The following SYCE1L variants were observed in gnomAD, a reference collection of about 807,000 sequenced individuals.
SYCE1L encodes synaptonemal complex central element protein 1 like.
SYCE1L carries 51 observed loss-of-function variants against 39.6 expected under a neutral mutation model. The ratio of observed to expected loss-of-function variants is 1.29; its 90% confidence interval spans 1.03 to 1.63. The LOEUF is 1.63. Ranked by LOEUF, SYCE1L falls within the 40% of genes most tolerant of loss-of-function variation. The pLI, the probability that SYCE1L is intolerant of heterozygous loss-of-function variation, is 0.00. For synonymous variants in SYCE1L, 147 were observed against 122.4 expected (o/e 1.20, Z -1.33); for missense variants, 426 against 304.9 (o/e 1.40, Z -2.96).
intron 8 of SYCE1L, 38 bp downstream of exon 8, chr16:77,212,237 T>C: frequency 3.2e-6 from 5 of 1,541,222 alleles, no homozygotes; most frequent in Non-Finnish European, 4.4e-6. Context: ...GGGAGGGGGA[T>C]GTGCCCGGGC....
rs564397913 is a variant in SYCE1L at position 77,212,945 on chromosome 16, G to T, written c.*14G>T. 1 of 1,491,584 alleles carries T rather than the reference G, an allele frequency of 6.7e-7. No individual in the cohort carries two copies. Among genetic ancestry groups the T allele is most frequent in the Non-Finnish European group, 8.9e-7 (1 of 1,122,520 alleles). 92.4% of individuals were successfully genotyped at this position (1,491,584 alleles called of 1,614,324 possible). The stretch of plus-strand genomic sequence containing the variant: ...GACGCCCTCTAGGCCAGCAGGACCC[G>T]CCCGTTCCCGACCTTCCCTCGAGAC... On this transcript the variant is annotated 3_prime_UTR_variant, in exon 11 of 11. Transcript: ENST00000378644.
chr16:77,212,713 C>T, intron 10 of SYCE1L, 67 bp downstream of exon 10: 3 of 1,452,282 alleles, frequency 2.1e-6, no homozygotes, highest in Non-Finnish European at 2.7e-6. Context: ...GGCGGGGGTC[C>T]TGGGAGCGGC....
intron 6 of SYCE1L, among the ~76,000 whole-genome samples, chr16:77,210,835 G>A (rs551009176): frequency 3.3e-5 from 5 of 152,268 alleles, no homozygotes; most frequent in African/African-American, 1.2e-4. Context: ...TCCCACTCCT[G>A]CTGGAGTGAA....
At chr16:77,202,018 G>T (rs566873126) in intron 1 of SYCE1L, 1 of 152,246 alleles carries the variant, frequency 6.6e-6, no homozygotes, top group South Asian at 2.1e-4. Flanking sequence ...TTTGGGAGTA[G>T]TGCAGAGGTA....
At position 77,212,305 on chromosome 16, in the gene SYCE1L, C is replaced by T. The variant is rs1470927539; in HGVS notation, c.517C>T (p.Arg173Trp). The T allele has an allele frequency of 3.9e-6, 6 of 1,524,530 alleles. No individual in the cohort carries two copies. Among genetic ancestry groups the T allele is most frequent in the Non-Finnish European group, 3.5e-6 (4 of 1,137,216 alleles). 94.4% of individuals were successfully genotyped at this position (1,524,530 alleles called of 1,614,324 possible). A position where few individuals can be genotyped will look rare whatever the true frequency, so the allele number is the denominator to read the frequency against. ...SERRLVRAKL[R>W]EVERRLHSPP... is the part of the protein sequence containing the mutation. ...AGGGAGGCTGGTGCGCGCCAAGCTG[C>T]GGGAGGTGGAGCGGCGGCTGCACTC... The change falls in exon 9 of 11, where the codon CGG (arginine) becomes TGG (tryptophan). Residue 173 changes from arginine to tryptophan, a missense_variant. By Grantham distance (101) the Arg-to-Trp change is moderately radical. Coordinates refer to ENST00000378644, the MANE Select transcript of SYCE1L (RefSeq NM_001129979.3).
Position 77,213,208 on chromosome 16 carries a change from A to G in SYCE1L, c.*277A>G, listed in dbSNP as rs1324635350. The G allele has an allele frequency of 2.8e-6, 1 of 353,876 alleles. No homozygotes were observed. Among genetic ancestry groups the G allele is most frequent in the African/African-American group, 2.1e-5 (1 of 47,600 alleles). The allele number at this position is 353,876 out of a possible 1,614,324, so 21.9% of individuals were successfully genotyped here. ...CGGCCTCATCTCGAGTTCCCAAACC[A>G]TCTATGTTGTCAACAGGGGCCGGAG... is the stretch of plus-strand genomic sequence containing the variant. On this transcript the variant is annotated 3_prime_UTR_variant, in exon 11 of 11. Transcript: ENST00000378644.
rs2054785464 is a variant in SYCE1L at position 77,206,336 on chromosome 16, C to T, written c.62-105C>T. 1.0e-5 allele frequency: 10 copies of T among 960,640 alleles called. No individual in the cohort carries two copies. In the South Asian group the frequency reaches 1.5e-4, roughly 14 times the overall value. The allele number at this position is 960,640 out of a possible 1,614,324, so 59.5% of individuals were successfully genotyped here. ...AACCTGTCTGTCATTCCATCCTTAG[C>T]CCCAGCCCACGGGTGTCTGCAGAGC... On this transcript the variant is annotated intron_variant, in intron 1 of 10. Transcript: ENST00000378644.
intron 2 of SYCE1L, 45 bp downstream of exon 2, chr16:77,206,545 T>C (rs909728434): frequency 1.9e-6 from 3 of 1,542,426 alleles, no homozygotes; most frequent in Non-Finnish European, 2.6e-6. Context: ...GGGTTTCAAG[T>C]CAGAAAGACA....
chr16:77,204,917 C>T (rs1338406898), intron 1 of SYCE1L, among the ~76,000 whole-genome samples: 2 of 151,872 alleles, frequency 1.3e-5, no homozygotes, highest in Non-Finnish European at 2.9e-5. Context: ...AGGCGGCGTG[C>T]GCCTTTAGTC....
intron 1 of SYCE1L, chr16:77,200,291 T>TATATATACATATATATATATATAC: frequency 3.6e-5 from 4 of 111,438 alleles, no homozygotes; most frequent in South Asian, 2.7e-4. Flanking sequence ...TATATATATA[T>TATATATACATATATATATATATAC]ACACACACTA....
rs755750526 is a variant in SYCE1L, at chr16:77,212,925, C to T, written c.723C>T (p.Ala241=). 3 of 1,525,500 alleles carry T rather than the reference C, an allele frequency of 2.0e-6. No individual in the cohort carries two copies. In the South Asian group the frequency reaches 3.6e-5, roughly 19 times the overall value. The allele number at this position is 1,525,500 out of a possible 1,614,324, so 94.5% of individuals were successfully genotyped here. A position where few individuals can be genotyped will look rare whatever the true frequency, so the allele number is the denominator to read the frequency against. The change falls in exon 11 of 11, where the codon GCC becomes GCT. Residue 241 remains alanine, a synonymous_variant. Coordinates refer to ENST00000378644, the MANE Select transcript of SYCE1L (RefSeq NM_001129979.3). ...AGCCGCCGGTGGCTGCCCCTGACGC[C>T]CTCTAGGCCAGCAGGACCCGCCCGT... ...DPEPPVAAPD[A]L
At position 77,209,099 on chromosome 16, in the gene SYCE1L, A is replaced by G. The variant is rs894137239; in HGVS notation, c.259A>G (p.Asn87Asp). 1 of 1,551,688 alleles carries G rather than the reference A, an allele frequency of 6.4e-7. No individual in the cohort carries two copies. The highest frequency in any genetic ancestry group is 2.0e-5 in the Admixed American group (1 of 50,992). The part of the protein sequence containing the change: ...EALHRELDSL[N>D]GEKVHLEEVL... Reference sequence around the variant, plus strand: ...GAAAGTGTCATTGTGTTTTCCAGTGAATGGAGAGAAAGTGCACCTAGAGGA... The same window carrying G: ...GAAAGTGTCATTGTGTTTTCCAGTGGATGGAGAGAAAGTGCACCTAGAGGA... The change falls in exon 5 of 11, where the codon AAT becomes GAT. Residue 87 changes from asparagine to aspartate, a missense_variant and splice_region_variant. Transcript: ENST00000378644.
chr16:77,209,249 G>T, intron 5 of SYCE1L, 105 bp downstream of exon 5: 1 of 1,404,862 alleles, frequency 7.1e-7, no homozygotes, highest in South Asian at 1.2e-5. Flanking sequence ...AAGGCAGGGT[G>T]CTTCCCTCTC....
chr16:77,212,686 C>G, intron 10 of SYCE1L, 40 bp downstream of exon 10: 1 of 1,513,430 alleles, frequency 6.6e-7, no homozygotes, highest in Non-Finnish European at 8.8e-7. Context: ...GGGCAGGGAC[C>G]GAGTCAGGAG....
At chr16:77,201,404 G>A (rs1052385001) in intron 1 of SYCE1L, 2 of 152,222 alleles carry the variant, frequency 1.3e-5, no homozygotes, top group African/African-American at 4.8e-5. Flanking sequence ...ATTGAAGGAT[G>A]TATCAAGTTG....
chr16:77,209,873 T>A (rs952399498), intron 6 of SYCE1L, among the ~76,000 whole-genome samples: 1 of 152,180 alleles, frequency 6.6e-6, no homozygotes, highest in Admixed American at 6.5e-5. Flanking sequence ...CATCCATCTA[T>A]CCAACCATGT....
chr16:77,208,252 T>A lies in SYCE1L; in HGVS notation c.164T>A (p.Ile55Asn). The A allele has an allele frequency of 6.4e-7, 1 of 1,551,690 alleles. No homozygotes were observed. The highest frequency in any genetic ancestry group is 8.7e-7 in the Non-Finnish European group (1 of 1,146,998). ...EPQIEDLISR[I>N]NDLQQAKKKS... Reference sequence around the variant, plus strand: ...CAGATAGAGGACCTGATTAGCCGGATTAATGATCTTCAGCAAGGTAAACTT... The same window carrying A: ...CAGATAGAGGACCTGATTAGCCGGAATAATGATCTTCAGCAAGGTAAACTT... The change falls in exon 3 of 11, where the codon ATT (isoleucine) becomes AAT (asparagine). Residue 55 changes from isoleucine to asparagine, a missense_variant. Coordinates refer to ENST00000378644, the MANE Select transcript of SYCE1L (RefSeq NM_001129979.3).
Position 77,212,952 on chromosome 16 carries a change from C to A in SYCE1L, c.*21C>A. 6.8e-7 allele frequency: 1 copy of A among 1,475,338 alleles called. No homozygotes were observed. The allele number at this position is 1,475,338 out of a possible 1,614,324, so 91.4% of individuals were successfully genotyped here. A position where few individuals can be genotyped will look rare whatever the true frequency, so the allele number is the denominator to read the frequency against. On this transcript the variant is annotated 3_prime_UTR_variant, in exon 11 of 11. Coordinates refer to ENST00000378644, the MANE Select transcript of SYCE1L (RefSeq NM_001129979.3). ...TCTAGGCCAGCAGGACCCGCCCGTTCCCGACCTTCCCTCGAGACCCGCCAA... is the reference window on the plus strand; with the variant it reads ...TCTAGGCCAGCAGGACCCGCCCGTTACCGACCTTCCCTCGAGACCCGCCAA...
rs1162498951 is a variant in SYCE1L, at chr16:77,212,890, G to A, written c.688G>A (p.Glu230Lys). The change falls in exon 11 of 11, where the codon GAG becomes AAG. Residue 230 changes from glutamate (E) to lysine (K), a missense_variant. Coordinates refer to ENST00000378644, the MANE Select transcript of SYCE1L (RefSeq NM_001129979.3). ...GPELPRARDE[E>K]DPEPPVAAPD... The stretch of plus-strand genomic sequence containing the variant: ...TGAGCTCCCCCGCGCTCGCGACGAG[G>A]AGGATCCCGAGCCGCCGGTGGCTGC... 8 of 1,529,802 alleles carry A rather than the reference G, an allele frequency of 5.2e-6. No individual in the cohort carries two copies. The highest frequency in any genetic ancestry group is 7.0e-6 in the Non-Finnish European group (8 of 1,140,758). The allele number at this position is 1,529,802 out of a possible 1,614,324, so 94.8% of individuals were successfully genotyped here.
Sources: gnomAD v4.1 joint callset for allele counts (sites outside exome capture counted in the v4.1 genomes callset) on GRCh38, gnomAD v4.1.1 for gene constraint, MANE v1.5 for transcripts, NCBI Gene and HGNC (gene_info 2026-07-23, HGNC 2026-07-21) for gene names.